The following GRIA3 variants were observed in gnomAD, a reference collection of about 807,000 sequenced individuals.
GRIA3 encodes the protein glutamate ionotropic receptor AMPA type subunit 3.
In GRIA3, 3 loss-of-function variants were observed where a neutral mutation model predicts 63.0. That is an observed-to-expected ratio of 0.05 (90% CI 0.02 to 0.12). The LOEUF (loss-of-function observed/expected upper bound fraction) is 0.12. Ranked by LOEUF, GRIA3 falls within the 10% of genes least tolerant of loss-of-function variation. The pLI, the probability that GRIA3 is intolerant of heterozygous loss-of-function variation, is 1.00. For missense variants in GRIA3, 347 were observed against 700.9 expected (o/e 0.50, Z 5.70); for synonymous variants, 274 against 257.9 (o/e 1.06, Z -0.60).
rs148921605 is a variant in GRIA3, at chrX:123,479,490, T to G, written c.2325-573T>G. Reference sequence around the variant, plus strand: ...AACATGTACGTGGTACAGTTCTTTCTGAGATCATTTTCAGCTGGGCAACAG... The same window carrying G: ...AACATGTACGTGGTACAGTTCTTTCGGAGATCATTTTCAGCTGGGCAACAG... On this transcript the variant is annotated intron_variant, in intron 13 of 15. Transcript: ENST00000620443. Among the ~76,000 whole-genome samples, 632 of 112,490 alleles carry G rather than the reference T, an allele frequency of 5.6e-3. 10 individuals are homozygous for G. The highest frequency in any genetic ancestry group is 0.019 in the African/African-American group (580 of 30,963).
intron 3 of GRIA3, among the ~76,000 whole-genome samples, chrX:123,292,750 C>A (rs1323264561): frequency 8.1e-5 from 9 of 111,171 alleles, no homozygotes; most frequent in East Asian, 2.8e-4. Context: ...CAAGAAGTGG[C>A]CAGTAGGATT....
intron 12 of GRIA3, among the ~76,000 whole-genome samples, chrX:123,461,633 G>A (rs1348010271): frequency 9.0e-6 from 1 of 111,183 alleles, no homozygotes; most frequent in Non-Finnish European, 1.9e-5. Flanking sequence ...TTTCCTGTAG[G>A]TATTAGGGAA....
intron 11 of GRIA3, among the ~76,000 whole-genome samples, chrX:123,423,246 G>C (rs2045572127): frequency 8.9e-6 from 1 of 112,075 alleles, no homozygotes; most frequent in Non-Finnish European, 1.9e-5. Flanking sequence ...TTCAAGATAT[G>C]AAGTACTTTG....
In GRIA3 at chrX:123,296,789, A is replaced by G. The variant is rs182222435; in HGVS notation, c.509-29237A>G. Among the ~76,000 whole-genome samples the G allele has an allele frequency of 2.7e-5, 3 of 111,307 alleles. No homozygotes were observed. In the Admixed American group the frequency reaches 2.9e-4, roughly 11 times the overall value. ...CAGTCCACATGATAATGTGTAGCCT[A>G]TACCTTAAACTCATCTTTATATTGT... On this transcript the variant is annotated intron_variant, in intron 3 of 15. Coordinates refer to ENST00000620443, the MANE Select transcript of GRIA3 (RefSeq NM_007325.5).
intron 7 of GRIA3, among the ~76,000 whole-genome samples, chrX:123,399,449 G>T (rs898862126): frequency 8.9e-6 from 1 of 112,224 alleles, no homozygotes; most frequent in African/African-American, 3.2e-5. Context: ...TAGGTCACTT[G>T]TTTTTAGTAT....
At chrX:123,403,389 G>A in intron 8 of GRIA3, 23 bp from the exon 9 acceptor site, 1 of 1,007,757 alleles carries the variant, frequency 9.9e-7, no homozygotes, top group Non-Finnish European at 1.4e-6. Context: ...TAGGCATCCA[G>A]GTCAAATGTC....
chrX:123,443,094 G>A (rs756389419), intron 12 of GRIA3, among the ~76,000 whole-genome samples: 14 of 111,543 alleles, frequency 1.3e-4, no homozygotes, highest in African/African-American at 3.9e-4. Flanking sequence ...ATCTGAGGTC[G>A]AATTGGCACT....
chrX:123,324,099 T>C (rs2044885299), intron 3 of GRIA3, among the ~76,000 whole-genome samples: 1 of 111,492 alleles, frequency 9.0e-6, no homozygotes, highest in African/African-American at 3.3e-5. Flanking sequence ...GAAAAGAATG[T>C]TAAAGGGAAA....
intron 5 of GRIA3, among the ~76,000 whole-genome samples, chrX:123,363,669 G>A (rs2045191885): frequency 8.9e-6 from 1 of 112,378 alleles, no homozygotes; most frequent in South Asian, 3.7e-4. Context: ...GGTCATGTTG[G>A]TTTTATATAG....
intron 2 of GRIA3, chrX:123,204,644 CAAGAGAGGTTAATA>C: frequency 9.3e-7 from 1 of 1,076,750 alleles, no homozygotes; most frequent in Non-Finnish European, 1.2e-6. Context: ...GATGAAATAT[CAAGAGAGGTTAATA>C]AAGGAACATT....
chrX:123,386,890 A>G (rs2045357548), intron 5 of GRIA3, among the ~76,000 whole-genome samples: 1 of 111,689 alleles, frequency 9.0e-6, no homozygotes, highest in African/African-American at 3.2e-5. Flanking sequence ...GTCAGGTAGT[A>G]TGATGCCTCC....
intron 4 of GRIA3, among the ~76,000 whole-genome samples, chrX:123,346,969 A>G (rs1052929511): frequency 8.9e-6 from 1 of 112,386 alleles, no homozygotes; most frequent in Non-Finnish European, 1.9e-5. Context: ...AGAGAGCAAA[A>G]TAAAAAGCCC....
intron 12 of GRIA3, among the ~76,000 whole-genome samples, chrX:123,445,194 T>A (rs2147414245): frequency 8.9e-6 from 1 of 112,266 alleles, no homozygotes; most frequent in Admixed American, 9.4e-5. Flanking sequence ...GATGGATATT[T>A]AAGAGGAGCC....
intron 2 of GRIA3, among the ~76,000 whole-genome samples, chrX:123,240,390 A>G (rs187783770): frequency 9.0e-6 from 1 of 111,138 alleles, no homozygotes; most frequent in Non-Finnish European, 1.9e-5. Flanking sequence ...GGCTATTGAG[A>G]CATATTTGAA....
At position 123,489,882 on chromosome X, in the gene GRIA3, T is replaced by C. The variant is rs915529317; in HGVS notation, c.*1172T>C. The stretch of plus-strand genomic sequence containing the variant: ...TCTCCATCGGACTGCATGTGTCCTT[T>C]TCTAGTTTGCAAAGACTAAAATGCA... On this transcript the variant is annotated 3_prime_UTR_variant, in exon 16 of 16. Coordinates refer to ENST00000620443, the MANE Select transcript of GRIA3 (RefSeq NM_007325.5). 7 of 112,107 alleles carry C rather than the reference T, an allele frequency of 6.2e-5. No individual in the cohort carries two copies. The highest frequency in any genetic ancestry group is 2.3e-4 in the African/African-American group (7 of 30,683). 9.2% of individuals were successfully genotyped at this position (112,107 alleles called of 1,213,427 possible). A position where few individuals can be genotyped will look rare whatever the true frequency, so the allele number is the denominator to read the frequency against.
At chrX:123,341,264 T>A (rs5911597) in intron 4 of GRIA3, among the ~76,000 whole-genome samples, 16,901 of 111,604 alleles carry the variant, frequency 0.15, 1,207 homozygotes, top group Non-Finnish European at 0.22. Flanking sequence ...TCAAATGTGG[T>A]CATTTTGTGT....
At chrX:123,360,851 TCTCTCACACACA>T (rs2045168131) in intron 5 of GRIA3, among the ~76,000 whole-genome samples, 2 of 26,582 alleles carry the variant, frequency 7.5e-5, no homozygotes, top group African/African-American at 2.6e-4. Context: ...TCTCTCTCTC[TCTCTCACACACA>T]CACACACACA....
At chrX:123,198,266 G>T (rs1226000447) in intron 2 of GRIA3, among the ~76,000 whole-genome samples, 1 of 111,521 alleles carries the variant, frequency 9.0e-6, no homozygotes, top group African/African-American at 3.3e-5. Flanking sequence ...TCTAATCTTG[G>T]CTCTCTTACT....
intron 5 of GRIA3, among the ~76,000 whole-genome samples, chrX:123,362,779 T>G (rs1172055001): frequency 3.6e-5 from 4 of 111,206 alleles, no homozygotes; most frequent in Non-Finnish European, 3.8e-5. Flanking sequence ...ATAGAACTTA[T>G]GCCACGTTGT....
Sources: gnomAD v4.1 joint callset for allele counts (sites outside exome capture counted in the v4.1 genomes callset) on GRCh38, gnomAD v4.1.1 for gene constraint, MANE v1.5 for transcripts, NCBI Gene and HGNC (gene_info 2026-07-23, HGNC 2026-07-21) for gene names.